Variants in DMD observed in about 807,000 individuals in gnomAD.
DMD encodes mutant dystrophin.
In DMD, 63 loss-of-function variants were observed where a neutral mutation model predicts 330.1. The ratio of observed to expected loss-of-function variants is 0.19; its 90% confidence interval spans 0.16 to 0.24. The LOEUF is 0.24. Among genes scored for constraint, DMD ranks in the 10% least tolerant of loss-of-function variants. The pLI, the probability that DMD is intolerant of heterozygous loss-of-function variation, is 1.00. For missense variants in DMD, 3,344 were observed against 2,684.1 expected (o/e 1.25, Z -5.43); for synonymous variants, 1,223 against 959.8 (o/e 1.27, Z -5.07).
intron 29 of DMD, among the ~76,000 whole-genome samples, chrX:32,420,478 C>T (rs185951405): frequency 4.1e-4 from 46 of 111,649 alleles, no homozygotes; most frequent in African/African-American, 1.5e-3. Context: ...ACAGAAGTAC[C>T]CAAGTGAGAG....
chrX:31,938,901 G>A (rs777013721), intron 45 of DMD, among the ~76,000 whole-genome samples: 2 of 111,374 alleles, frequency 1.8e-5, no homozygotes, highest in Non-Finnish European at 3.8e-5. Flanking sequence ...TCCCTAAACT[G>A]TGTTAAATTT....
At chrX:32,710,009 T>C (rs2065041267) in intron 7 of DMD, among the ~76,000 whole-genome samples, 1 of 111,078 alleles carries the variant, frequency 9.0e-6, no homozygotes, top group African/African-American at 3.3e-5. Context: ...AGACACATGT[T>C]GAAAATTGAG....
At chrX:32,404,159 G>T (rs988769176) in intron 30 of DMD, among the ~76,000 whole-genome samples, 1 of 111,914 alleles carries the variant, frequency 8.9e-6, no homozygotes, top group Admixed American at 9.5e-5. Context: ...ATAAACACGG[G>T]AAGATTGCAA....
chrX:32,801,988 G>A (rs1057134410), intron 7 of DMD, among the ~76,000 whole-genome samples: 1 of 111,880 alleles, frequency 8.9e-6, no homozygotes, highest in Non-Finnish European at 1.9e-5. Context: ...TTTTGGCAAT[G>A]CAGGCTCTTT....
chrX:32,250,116 T>C (rs1242431524), intron 43 of DMD, among the ~76,000 whole-genome samples: 1 of 111,710 alleles, frequency 9.0e-6, no homozygotes, highest in African/African-American at 3.3e-5. Context: ...ATAATAATAC[T>C]TTATAGTTTT....
Position 32,580,610 on chromosome X carries a change from C to A in DMD, c.1603-6764G>T, listed in dbSNP as rs370801739. On this transcript the variant is annotated intron_variant, in intron 13 of 78. Transcript: ENST00000357033. Reference sequence around the variant, plus strand: ...TGCTTGTGATAGTAAGGATTTAGAGCTCAGTCGATAAAAAAATCAGCCTTT... The same window carrying A: ...TGCTTGTGATAGTAAGGATTTAGAGATCAGTCGATAAAAAAATCAGCCTTT... 2.8e-4 allele frequency among the ~76,000 whole-genome samples: 31 copies of A among 111,550 alleles called. No individual in the cohort carries two copies. In the East Asian group the frequency reaches 5.1e-3, roughly 18 times the overall value.
intron 61 of DMD, among the ~76,000 whole-genome samples, chrX:31,330,136 T>C (rs1007603066): frequency 7.3e-5 from 8 of 108,915 alleles, no homozygotes; most frequent in African/African-American, 2.0e-4. Flanking sequence ...TGTATACATA[T>C]GTCCAAACTT....
chrX:31,122,791 C>G (rs750969515), intron 78 of DMD, among the ~76,000 whole-genome samples: 7 of 111,664 alleles, frequency 6.3e-5, no homozygotes, highest in Admixed American at 9.5e-5. Context: ...CGACCTAGCA[C>G]GAATCTCCCA....
At chrX:32,805,996 C>A (rs774685915) in intron 7 of DMD, among the ~76,000 whole-genome samples, 2 of 111,829 alleles carry the variant, frequency 1.8e-5, no homozygotes, top group East Asian at 5.7e-4. Context: ...ATTGTAAACA[C>A]CATCGACACC....
intron 7 of DMD, among the ~76,000 whole-genome samples, chrX:32,737,123 CCAACAG>C (rs1438128515): frequency 9.1e-6 from 1 of 109,859 alleles, no homozygotes; most frequent in Non-Finnish European, 1.9e-5. Flanking sequence ...ACCACCACCA[CCAACAG>C]CAACAACAAA....
At position 32,463,597 on chromosome X, in the gene DMD, A is replaced by G. The variant is rs2098391035; in HGVS notation, c.3277-3T>C. ...GTCTGAATATCACTGACTAAAAGCTAAGAAAATAAATCAATTTAAGCCAGC... is the reference window on the plus strand; with the variant it reads ...GTCTGAATATCACTGACTAAAAGCTGAGAAAATAAATCAATTTAAGCCAGC... On this transcript the variant is annotated splice_polypyrimidine_tract_variant and splice_region_variant and intron_variant, in intron 24 of 78. Coordinates refer to ENST00000357033, the MANE Select transcript of DMD (RefSeq NM_004006.3). 9 of 1,136,613 alleles carry G rather than the reference A, an allele frequency of 7.9e-6. No homozygotes were observed. Among genetic ancestry groups the G allele is most frequent in the South Asian group, 2.2e-5 (1 of 44,838 alleles). The allele number at this position is 1,136,613 out of a possible 1,213,427, so 93.7% of individuals were successfully genotyped here. A position where few individuals can be genotyped will look rare whatever the true frequency, so the allele number is the denominator to read the frequency against.
intron 1 of DMD, among the ~76,000 whole-genome samples, chrX:33,134,925 G>T (rs1224006759): frequency 1.8e-5 from 2 of 111,153 alleles, no homozygotes; most frequent in African/African-American, 6.5e-5. Flanking sequence ...ATAATGTATG[G>T]TATTTATTAT....
At position 32,491,573 on chromosome X, in the gene DMD, T is replaced by A; in HGVS notation, c.2381-55A>T. The A allele has an allele frequency of 3.6e-6, 4 of 1,125,898 alleles. No individual in the cohort carries two copies. In the Admixed American group the frequency reaches 6.9e-5, roughly 19 times the overall value. 92.8% of individuals were successfully genotyped at this position (1,125,898 alleles called of 1,213,427 possible). A position where few individuals can be genotyped will look rare whatever the true frequency, so the allele number is the denominator to read the frequency against. On this transcript the variant is annotated intron_variant, in intron 19 of 78. Transcript: ENST00000357033. ...CCCTGAACCCACAGACTGAAAGAAA[T>A]GATCTGAAAGCCAACACATCCTAAT... is the stretch of plus-strand genomic sequence containing the variant.
At chrX:32,363,828 A>C (rs1416811108) in intron 36 of DMD, among the ~76,000 whole-genome samples, 2 of 112,253 alleles carry the variant, frequency 1.8e-5, no homozygotes, top group East Asian at 2.8e-4. Context: ...CTAATCAATA[A>C]ATTTATCAAA....
chrX:31,206,791 C>T, intron 65 of DMD, 124 bp from the exon 66 acceptor site: 1 of 538,968 alleles, frequency 1.9e-6, no homozygotes, highest in Non-Finnish European at 3.2e-6. Flanking sequence ...GATGTGTGAA[C>T]TCTATTGACC....
intron 60 of DMD, among the ~76,000 whole-genome samples, chrX:31,396,970 A>G (rs2060975898): frequency 9.0e-6 from 1 of 111,720 alleles, no homozygotes; most frequent in African/African-American, 3.3e-5. Flanking sequence ...GTGGCTCTCT[A>G]TTGATGAGAA....
chrX:32,515,008 A>G (rs188804928), intron 18 of DMD, among the ~76,000 whole-genome samples: 89 of 112,402 alleles, frequency 7.9e-4, no homozygotes, highest in African/African-American at 2.8e-3. Context: ...AACTGCAAGG[A>G]AAGAGGTATT....
chrX:33,231,980 C>A (rs769883652), intron 1 of DMD, among the ~76,000 whole-genome samples: 1 of 110,172 alleles, frequency 9.1e-6, no homozygotes, highest in South Asian at 3.8e-4. Flanking sequence ...AGTGACAGAG[C>A]AGAACAAAAA....
intron 55 of DMD, among the ~76,000 whole-genome samples, chrX:31,620,971 A>G (rs1186793462): frequency 3.6e-5 from 4 of 111,790 alleles, no homozygotes; most frequent in Non-Finnish European, 5.6e-5. Context: ...ATGTCCTTCA[A>G]TTTTAAATCT....
Sources: gnomAD v4.1 joint callset for allele counts (sites outside exome capture counted in the v4.1 genomes callset) on GRCh38, gnomAD v4.1.1 for gene constraint, MANE v1.5 for transcripts, NCBI Gene and HGNC (gene_info 2026-07-23, HGNC 2026-07-21) for gene names.